SRSF7: variants seen among roughly 807,000 people sequenced by gnomAD.
SRSF7 encodes serine and arginine rich splicing factor 7.
Under a neutral mutation model 42.2 loss-of-function variants are expected in SRSF7, and 15 were observed. That is an observed-to-expected ratio of 0.36 (90% CI 0.24 to 0.55). The LOEUF (loss-of-function observed/expected upper bound fraction) is 0.55, where lower values mean the gene tolerates loss of function less well. SRSF7 is among the 20% of genes least tolerant of loss of function. The probability of loss-of-function intolerance (pLI) is 0.88; values close to 1 mark genes in which losing one functional copy is unlikely to be tolerated. For missense variants in SRSF7, 181 were observed against 305.9 expected, an observed-to-expected ratio of 0.59 and a Z score of 3.04; for synonymous variants, 138 against 107.9, an observed-to-expected ratio of 1.28 and a Z score of -1.73.
At chr2:38,746,640 C>A (rs1558608614) in intron 6 of SRSF7, 54 bp downstream of exon 6, 2 of 1,603,866 alleles carry the variant, frequency 1.2e-6, no homozygotes, top group African/African-American at 1.3e-5. Flanking sequence ...ACTTTGAACT[C>A]TTTGGATATT....
intron 4 of SRSF7, 64 bp downstream of exon 4, chr2:38,748,515 C>G: frequency 6.5e-7 from 1 of 1,530,890 alleles, no homozygotes; most frequent in Admixed American, 1.7e-5. Flanking sequence ...TGAGCTTTTT[C>G]TGTGTTGGAC....
At chr2:38,745,845 G>C (rs988523610) in intron 7 of SRSF7, among the ~76,000 whole-genome samples, 2 of 152,062 alleles carry the variant, frequency 1.3e-5, no homozygotes, top group Non-Finnish European at 2.9e-5. Context: ...TCCACACTTT[G>C]TATCTATTGT....
intron 5 of SRSF7, chr2:38,747,270 C>A: frequency 3.2e-6 from 1 of 308,466 alleles, no homozygotes; most frequent in South Asian, 2.7e-5. Context: ...ATCTGTCAGA[C>A]AAACCAAATC....
chr2:38,745,481 C>G (rs918756345), intron 7 of SRSF7, among the ~76,000 whole-genome samples: 1 of 152,110 alleles, frequency 6.6e-6, no homozygotes, highest in African/African-American at 2.4e-5. Flanking sequence ...TGGTGAAACT[C>G]CGTCTCTACT....
intron 5 of SRSF7, 23 bp downstream of exon 5, chr2:38,748,024 T>C (rs774538093): frequency 7.7e-6 from 12 of 1,560,734 alleles, no homozygotes; most frequent in South Asian, 3.4e-5. Flanking sequence ...CAAACACAAG[T>C]AAGGAAAAAA....
rs773128597 is a variant in SRSF7 at position 38,748,161 on chromosome 2, A to C, written c.462-4T>G. The C allele has an allele frequency of 1.9e-6, 3 of 1,608,140 alleles. No homozygotes were observed. The South Asian group carries it at 3.4e-5, about 18-fold the overall frequency. The stretch of plus-strand genomic sequence containing the variant: ...TCGAGGAGATGCTGACCTTGACCTA[A>C]AATAAAGAACTTTAAGTCCATCTCC... On this transcript the variant is annotated splice_polypyrimidine_tract_variant and splice_region_variant and intron_variant, in intron 4 of 7. Coordinates refer to ENST00000313117, the MANE Select transcript of SRSF7 (RefSeq NM_001031684.3).
chr2:38,746,518 C>G (rs1033630466), intron 6 of SRSF7, among the ~76,000 whole-genome samples, 176 bp downstream of exon 6: 3 of 152,194 alleles, frequency 2.0e-5, no homozygotes, highest in African/African-American at 7.2e-5. Flanking sequence ...TTTACATTCC[C>G]TTGTTCAGGG....
intron 5 of SRSF7, chr2:38,747,130 G>C: frequency 2.1e-6 from 1 of 475,786 alleles, no homozygotes; most frequent in Non-Finnish European, 4.3e-6. Context: ...TACTCAGGAG[G>C]CTAAGGCAGG....
intron 7 of SRSF7, among the ~76,000 whole-genome samples, chr2:38,745,568 T>C (rs969086300): frequency 2.0e-5 from 3 of 151,968 alleles, no homozygotes; most frequent in Admixed American, 6.6e-5. Flanking sequence ...GACAGGATAA[T>C]TGCTTGAACC....
chr2:38,745,253 A>G (rs778308016), intron 7 of SRSF7, 66 bp from the exon 8 acceptor site: 247 of 1,523,836 alleles, frequency 1.6e-4, no homozygotes, highest in Non-Finnish European at 2.1e-4. Flanking sequence ...TACATGTACT[A>G]ACTTTCAATA....
At chr2:38,748,313 G>C (rs1046464070) in intron 4 of SRSF7, among the ~76,000 whole-genome samples, 156 bp from the exon 5 acceptor site, 2 of 151,990 alleles carry the variant, frequency 1.3e-5, no homozygotes, top group African/African-American at 4.8e-5. Context: ...CTGGGAAACA[G>C]TGCAAGACCA....
chr2:38,748,671 G>A lies in SRSF7; in HGVS notation c.387-18C>T. Reference sequence around the variant, plus strand: ...ACCGTGACCTATTTTTCAAGTTAGAGAAAAAACAAAATGTCAGACAATAAC... The same window carrying A: ...ACCGTGACCTATTTTTCAAGTTAGAAAAAAAACAAAATGTCAGACAATAAC... On this transcript the variant is annotated intron_variant, in intron 3 of 7. Transcript: ENST00000313117. The A allele has an allele frequency of 4.3e-6, 7 of 1,612,248 alleles. No individual in the cohort carries two copies. Among genetic ancestry groups the A allele is most frequent in the African/African-American group, 1.3e-5 (1 of 74,860 alleles).
At position 38,744,405 on chromosome 2, in the gene SRSF7, G is replaced by T; in HGVS notation, c.*728C>A. 6.6e-6 allele frequency: 1 copy of T among 152,558 alleles called. No homozygotes were observed. Among genetic ancestry groups the T allele is most frequent in the Admixed American group, 6.5e-5 (1 of 15,270 alleles). 9.5% of individuals were successfully genotyped at this position (152,558 alleles called of 1,614,324 possible). On this transcript the variant is annotated 3_prime_UTR_variant, in exon 8 of 8. Transcript: ENST00000313117. ...TAGAAAGCAAAGAAACAAGACCATT[G>T]AGAGTAGAACTCCCCATATCTTGGG...
Position 38,744,095 on chromosome 2 carries a change from CTGAGA to C in SRSF7, c.*1033_*1037del. 6.6e-6 allele frequency: 1 copy of C among 152,470 alleles called. No individual in the cohort carries two copies. The highest frequency in any genetic ancestry group is 2.4e-5 in the African/African-American group (1 of 41,446). 9.4% of individuals were successfully genotyped at this position (152,470 alleles called of 1,614,324 possible). A position where few individuals can be genotyped will look rare whatever the true frequency, so the allele number is the denominator to read the frequency against. ...CTACATGGAGTGTTGCTAAATATAG[CTGAGA>C]TTTACAAAACCACTTTAGTCTCATT... On this transcript the variant is annotated 3_prime_UTR_variant, in exon 8 of 8. Coordinates refer to ENST00000313117, the MANE Select transcript of SRSF7 (RefSeq NM_001031684.3).
At chr2:38,750,392 AAC>A (rs1318298631) in intron 1 of SRSF7, among the ~76,000 whole-genome samples, 198 bp from the exon 2 acceptor site, 4 of 152,062 alleles carry the variant, frequency 2.6e-5, no homozygotes, top group Admixed American at 2.0e-4. Context: ...CAAAATTCTT[AAC>A]GTTCTAAATA....
At chr2:38,748,304 T>C (rs866354269) in intron 4 of SRSF7, 147 bp from the exon 5 acceptor site, 2 of 683,012 alleles carry the variant, frequency 2.9e-6, no homozygotes, top group Non-Finnish European at 2.5e-6. Context: ...GAGACCAGCC[T>C]GGGAAACAGT....
chr2:38,749,059 G>A, intron 3 of SRSF7: 1 of 1,306,184 alleles, frequency 7.7e-7, no homozygotes, highest in Non-Finnish European at 1.0e-6. Flanking sequence ...GACGCAAGAA[G>A]ATTTTTCTAG....
At chr2:38,750,275 G>C in intron 1 of SRSF7, 81 bp from the exon 2 acceptor site, 3 of 1,344,308 alleles carry the variant, frequency 2.2e-6, no homozygotes, top group Non-Finnish European at 3.1e-6. Context: ...CTTAAAACGG[G>C]CCATCCTCAA....
chr2:38,749,794 T>C (rs1668007228), intron 2 of SRSF7, 89 bp from the exon 3 acceptor site: 1 of 1,384,058 alleles, frequency 7.2e-7, no homozygotes, highest in Non-Finnish European at 9.5e-7. Flanking sequence ...CCACTCACTC[T>C]TTCCAACCAC....
Sources: gnomAD v4.1 joint callset for allele counts (sites outside exome capture counted in the v4.1 genomes callset) on GRCh38, gnomAD v4.1.1 for gene constraint, MANE v1.5 for transcripts, NCBI Gene and HGNC (gene_info 2026-07-23, HGNC 2026-07-21) for gene names.